Variants in DAG1 observed in about 807,000 individuals in gnomAD.
DAG1 encodes dystroglycan 1 (dystrophin-associated glycoprotein 1).
In DAG1, 8 loss-of-function variants were observed where a neutral mutation model predicts 46.1. That is an observed-to-expected ratio of 0.17 (90% CI 0.10 to 0.31). The LOEUF is 0.31. Among genes scored for constraint, DAG1 ranks in the 10% least tolerant of loss-of-function variants. DAG1 has a pLI of 1.00. For synonymous variants in DAG1, 495 were observed against 481.8 expected (o/e 1.03, Z -0.36); for missense variants, 1,003 against 1,189.9 (o/e 0.84, Z 2.31).
At chr3:49,498,862 C>G (rs952107950) in intron 1 of DAG1, among the ~76,000 whole-genome samples, 1 of 152,038 alleles carries the variant, frequency 6.6e-6, no homozygotes, top group Admixed American at 6.6e-5. Context: ...GCATGCGCCA[C>G]CATGCCTGGC....
Position 49,532,310 on chromosome 3 carries a change from A to G in DAG1, c.1799A>G (p.Gln600Arg), listed in dbSNP as rs369180031. Reference sequence around the variant, plus strand: ...GAGATCCACGTCCACAGGCGCCCCCAAGGGGATAGGGCTCCTGCAAGGTTC... The same window carrying G: ...GAGATCCACGTCCACAGGCGCCCCCGAGGGGATAGGGCTCCTGCAAGGTTC... ...AFEIHVHRRP[Q>R]GDRAPARFKA... The change falls in exon 3 of 3, where the codon CAA becomes CGA. Residue 600 changes from glutamine to arginine, a missense_variant. Physicochemically the swap from Gln to Arg is conservative, Grantham distance 43. Coordinates refer to ENST00000308775, the MANE Select transcript of DAG1 (RefSeq NM_004393.6). The surrounding 1 kb of genome is among the most constrained non-coding windows in gnomAD (Gnocchi z 5.4). The G allele has an allele frequency of 2.5e-5, 41 of 1,614,140 alleles. No individual in the cohort carries two copies. The African/African-American group carries it at 3.7e-4, about 15-fold the overall frequency.
At position 49,478,631 on chromosome 3, in the gene DAG1, G is replaced by C. The variant is rs193146846; in HGVS notation, c.-117+8198G>C. Among the ~76,000 whole-genome samples the C allele has an allele frequency of 1.2e-3, 185 of 148,566 alleles. 1 individual carries two copies. The highest frequency in any genetic ancestry group is 4.5e-3 in the African/African-American group (180 of 40,260). ...GAGCTTAAGCGATTCATCTGCCTGA[G>C]CCTCACAAACTGCTGGATTACAGAT... is the stretch of plus-strand genomic sequence containing the variant. On this transcript the variant is annotated intron_variant, in intron 1 of 2. Coordinates refer to ENST00000308775, the MANE Select transcript of DAG1 (RefSeq NM_004393.6).
intron 2 of DAG1, among the ~76,000 whole-genome samples, chr3:49,514,836 TACACATACATA>T (rs2050855358): frequency 7.1e-6 from 1 of 141,646 alleles, no homozygotes; most frequent in Non-Finnish European, 1.5e-5. Context: ...TGTGTGTGTG[TACACATACATA>T]GACACACACA....
chr3:49,483,237 C>G (rs1409755641), intron 1 of DAG1, among the ~76,000 whole-genome samples: 2 of 131,362 alleles, frequency 1.5e-5, no homozygotes, highest in African/African-American at 5.7e-5. Context: ...CAGTTTTAGT[C>G]TTGTTGCCCA....
At chr3:49,513,678 C>A (rs954007757) in intron 2 of DAG1, among the ~76,000 whole-genome samples, 1 of 152,138 alleles carries the variant, frequency 6.6e-6, no homozygotes, top group Non-Finnish European at 1.5e-5. Flanking sequence ...CTGGGGCAAC[C>A]GTATTTCTGA....
chr3:49,530,697 A>G, intron 2 of DAG1, 100 bp from the exon 3 acceptor site: 1 of 1,558,992 alleles, frequency 6.4e-7, no homozygotes, highest in East Asian at 2.3e-5. Context: ...ATTCTGAATT[A>G]TACCTTAAAC....
At chr3:49,493,870 T>C in intron 1 of DAG1, among the ~76,000 whole-genome samples, 1 of 152,230 alleles carries the variant, frequency 6.6e-6, no homozygotes, top group East Asian at 1.9e-4. Flanking sequence ...ACCATTTCAC[T>C]GGTCATAGAA....
intron 1 of DAG1, among the ~76,000 whole-genome samples, chr3:49,479,915 C>T (rs1179889338): frequency 6.8e-6 from 1 of 146,686 alleles, no homozygotes; most frequent in South Asian, 2.2e-4. Flanking sequence ...GCTGGGATTA[C>T]AGGCGTGAGC....
chr3:49,479,312 A>ATTT (rs35759587), intron 1 of DAG1, among the ~76,000 whole-genome samples: 2 of 142,508 alleles, frequency 1.4e-5, no homozygotes, highest in Non-Finnish European at 1.5e-5. Flanking sequence ...TTGAGTATAG[A>ATTT]TTTTTTTTTT....
At chr3:49,497,436 CAAAAAA>C (rs11391817) in intron 1 of DAG1, among the ~76,000 whole-genome samples, 1 of 128,544 alleles carries the variant, frequency 7.8e-6, no homozygotes, top group Middle Eastern at 3.8e-3. Context: ...GACTCCGTCT[CAAAAAA>C]AAAAAAAAAA....
intron 1 of DAG1, chr3:49,487,206 G>C (rs189175138): frequency 6.6e-6 from 1 of 152,276 alleles, no homozygotes; most frequent in East Asian, 1.9e-4. Flanking sequence ...TTTAATTATT[G>C]AGAATTTTGT....
chr3:49,476,649 T>A (rs1192860616), intron 1 of DAG1, among the ~76,000 whole-genome samples: 1 of 152,172 alleles, frequency 6.6e-6, no homozygotes, highest in Non-Finnish European at 1.5e-5. Context: ...ATTTTACTAT[T>A]TATAATTTTT....
intron 2 of DAG1, among the ~76,000 whole-genome samples, chr3:49,519,474 T>A (rs1162006923): frequency 6.6e-6 from 1 of 152,128 alleles, no homozygotes; most frequent in Admixed American, 6.5e-5. Flanking sequence ...GGCACTCTCT[T>A]TGGCTAGGAA....
At chr3:49,493,344 T>G (rs895689551) in intron 1 of DAG1, among the ~76,000 whole-genome samples, 1 of 152,258 alleles carries the variant, frequency 6.6e-6, no homozygotes, top group South Asian at 2.1e-4. Flanking sequence ...GTGCCTTGCC[T>G]GCTTTTCATT....
chr3:49,488,814 G>C (rs1473688123), intron 1 of DAG1: 1 of 152,096 alleles, frequency 6.6e-6, no homozygotes, highest in Non-Finnish European at 1.5e-5. Context: ...ATGTTGGCCA[G>C]GCTGGCCTTG....
rs142738071 is a variant in DAG1, at chr3:49,531,437, G to C, written c.926G>C (p.Arg309Pro). The C allele has an allele frequency of 6.2e-7, 1 of 1,613,648 alleles. No individual in the cohort carries two copies. The highest frequency in any genetic ancestry group is 1.7e-5 in the Admixed American group (1 of 59,960). Residue 309 changes from arginine (R) to proline (P), a missense_variant, in exon 3 of 3, where the codon CGC becomes CCC. By Grantham distance (103) the Arg-to-Pro change is moderately radical. Around this residue, in one of 3 missense-constraint regions of DAG1, gnomAD observed 755 missense variants for 854.1 expected, o/e 0.88. Coordinates refer to ENST00000308775, the MANE Select transcript of DAG1 (RefSeq NM_004393.6). This position sits in a 1 kb window ranked among gnomAD's most constrained non-coding sequence, Gnocchi z 7.0. ...AATAAGAAGCCCCCTCTTCCCAAAC[G>C]CGTCCGGAGGCAGATCCATGCTACA... ...IANKKPPLPK[R>P]VRRQIHATPT... is the part of the protein sequence containing the mutation.
intron 1 of DAG1, among the ~76,000 whole-genome samples, chr3:49,479,770 T>TGGCATTACAGGCGCGC (rs1054526136): frequency 1.4e-5 from 2 of 147,078 alleles, no homozygotes; most frequent in Admixed American, 7.0e-5. Context: ...CCTGAGTAGC[T>TGGCATTACAGGCGCGC]GGCATTACAG....
chr3:49,488,181 C>A (rs898040475), intron 1 of DAG1, among the ~76,000 whole-genome samples: 2 of 152,094 alleles, frequency 1.3e-5, no homozygotes, highest in Non-Finnish European at 2.9e-5. Flanking sequence ...CCCACCATGC[C>A]CATTAATCAA....
chr3:49,523,437 A>AG (rs1376467432), intron 2 of DAG1, among the ~76,000 whole-genome samples: 20 of 152,270 alleles, frequency 1.3e-4, no homozygotes, highest in African/African-American at 4.8e-4. Context: ...CACCTGCAGC[A>AG]GGTCCCCCAC....
Sources: gnomAD v4.1 joint callset for allele counts (sites outside exome capture counted in the v4.1 genomes callset) on GRCh38, gnomAD v4.1.1 for gene constraint, gnomAD v4.1.1 regional missense constraint, Gnocchi (gnomAD v3.1) non-coding constraint, MANE v1.5 for transcripts, NCBI Gene and HGNC (gene_info 2026-07-23, HGNC 2026-07-21) for gene names.